The following TRHDE variants were observed in gnomAD, a reference collection of about 807,000 sequenced individuals.
The protein encoded by TRHDE is thyrotropin releasing hormone degrading enzyme, also known as thyrotropin-releasing hormone-degrading ectoenzyme.
TRHDE carries 72 observed loss-of-function variants against 125.7 expected under a neutral mutation model. The observed-to-expected ratio is 0.57, with a 90% CI of 0.47 to 0.70. The LOEUF (loss-of-function observed/expected upper bound fraction) is 0.70, where lower values mean the gene tolerates loss of function less well. TRHDE is among the 30% of genes least tolerant of loss of function. The pLI, the probability that TRHDE is intolerant of heterozygous loss-of-function variation, is 0.00. For synonymous variants in TRHDE, 509 were observed against 509.1 expected (o/e 1.00, Z 0.00); for missense variants, 1,110 against 1,327.1 (o/e 0.84, Z 2.54).
At chr12:72,398,882 A>C (rs754634352) in intron 3 of TRHDE, among the ~76,000 whole-genome samples, 1 of 152,138 alleles carries the variant, frequency 6.6e-6, no homozygotes, top group Non-Finnish European at 1.5e-5. Context: ...AGCTTGACAT[A>C]TTTACAAATT....
chr12:72,144,130 A>C (rs1020963752), intron 2 of TRHDE, among the ~76,000 whole-genome samples: 4 of 152,196 alleles, frequency 2.6e-5, no homozygotes, highest in Non-Finnish European at 5.9e-5. Context: ...TTCTGGAATG[A>C]TAGCTCAATC....
At chr12:72,328,674 G>A (rs1190083475) in intron 2 of TRHDE, among the ~76,000 whole-genome samples, 1 of 152,062 alleles carries the variant, frequency 6.6e-6, no homozygotes, top group Non-Finnish European at 1.5e-5. Flanking sequence ...AGCTGGGCCA[G>A]AAAAAAATTT....
rs1007225824 is a variant in TRHDE, at chr12:72,272,966, T to C, written c.323T>C (p.Leu108Pro). The change falls in exon 1 of 19, where the codon CTG (leucine) becomes CCG (proline). Residue 108 changes from leucine to proline, a missense_variant. Coordinates refer to ENST00000261180, the MANE Select transcript of TRHDE (RefSeq NM_013381.3). The surrounding 1 kb of genome is among the most constrained non-coding windows in gnomAD (Gnocchi z 6.7). Reference sequence around the variant, plus strand: ...ACAATGCTCGCTGTGCTGCTCAGCCTGCGCTTCGACGAGTGCGGGGCGAGT... The same window carrying C: ...ACAATGCTCGCTGTGCTGCTCAGCCCGCGCTTCGACGAGTGCGGGGCGAGT... ...AVTMLAVLLS[L>P]RFDECGASAT... 6.4e-7 allele frequency: 1 copy of C among 1,566,900 alleles called. No individual in the cohort carries two copies. The highest frequency in any genetic ancestry group is 8.6e-7 in the Non-Finnish European group (1 of 1,163,376).
At chr12:72,280,632 G>A (rs560199635) in intron 1 of TRHDE, among the ~76,000 whole-genome samples, 2 of 152,296 alleles carry the variant, frequency 1.3e-5, no homozygotes, top group Non-Finnish European at 2.9e-5. Context: ...ACTGGGAGAT[G>A]GAGAGGGTTG....
At chr12:72,231,951 A>T (rs1378305658) in intron 2 of TRHDE, among the ~76,000 whole-genome samples, 2 of 152,182 alleles carry the variant, frequency 1.3e-5, no homozygotes, top group African/African-American at 2.4e-5. Flanking sequence ...TGGAAAGAAA[A>T]CTACCCCTAT....
intron 6 of TRHDE, among the ~76,000 whole-genome samples, chr12:72,529,923 C>T (rs777403958): frequency 7.2e-4 from 110 of 152,232 alleles, no homozygotes; most frequent in Admixed American, 2.2e-3. Flanking sequence ...GTGCATCTCA[C>T]CTATCAATTC....
intron 4 of TRHDE, among the ~76,000 whole-genome samples, chr12:72,471,125 C>A (rs939822198): frequency 6.6e-6 from 1 of 151,774 alleles, no homozygotes; most frequent in Admixed American, 6.6e-5. Context: ...TGATCCACCC[C>A]CCTCGACCTC....
At chr12:72,142,554 C>T (rs1370272423) in intron 2 of TRHDE, among the ~76,000 whole-genome samples, 2 of 152,078 alleles carry the variant, frequency 1.3e-5, no homozygotes, top group African/African-American at 4.8e-5. Flanking sequence ...AGGGTGGCCC[C>T]CTGCAAAGGT....
intron 5 of TRHDE, among the ~76,000 whole-genome samples, chr12:72,484,235 G>C (rs56304015): frequency 3.9e-5 from 6 of 152,074 alleles, no homozygotes; most frequent in Non-Finnish European, 8.8e-5. Flanking sequence ...GAATGGATAA[G>C]TATGAAAAAA....
At chr12:72,361,406 T>A (rs1871073387) in intron 2 of TRHDE, among the ~76,000 whole-genome samples, 1 of 151,788 alleles carries the variant, frequency 6.6e-6, no homozygotes, top group Admixed American at 6.6e-5. Flanking sequence ...ATTTGATACA[T>A]TTGTTGGAAA....
chr12:72,297,535 GGGAGA>G (rs1880347893), intron 2 of TRHDE, among the ~76,000 whole-genome samples: 1 of 152,196 alleles, frequency 6.6e-6, no homozygotes, highest in East Asian at 1.9e-4. Context: ...TGAACAGGTT[GGGAGA>G]ATCTCTGAAA....
intron 3 of TRHDE, among the ~76,000 whole-genome samples, chr12:72,401,903 G>A (rs1384617224): frequency 1.3e-5 from 2 of 152,136 alleles, no homozygotes; most frequent in Non-Finnish European, 2.9e-5. Context: ...ACTTTAAAAT[G>A]TTTTTGGTAG....
At chr12:72,238,636 A>T (rs1163550161) in intron 2 of TRHDE, among the ~76,000 whole-genome samples, 1 of 151,596 alleles carries the variant, frequency 6.6e-6, no homozygotes, top group Non-Finnish European at 1.5e-5. Context: ...GAGTGAGAAC[A>T]TGCGGTGTTT....
chr12:72,150,633 A>G (rs1163608822), intron 2 of TRHDE, among the ~76,000 whole-genome samples: 2 of 144,694 alleles, frequency 1.4e-5, no homozygotes, highest in African/African-American at 2.6e-5. Context: ...CCACCTATGA[A>G]TGAGAACATG....
intron 12 of TRHDE, among the ~76,000 whole-genome samples, chr12:72,613,223 A>G (rs1215500168): frequency 6.6e-6 from 1 of 152,222 alleles, no homozygotes; most frequent in East Asian, 1.9e-4. Flanking sequence ...AGCTGTTTGT[A>G]TAATGCCTCT....
intron 3 of TRHDE, among the ~76,000 whole-genome samples, chr12:72,389,588 T>A (rs1439815683): frequency 6.6e-6 from 1 of 152,188 alleles, no homozygotes; most frequent in Non-Finnish European, 1.5e-5. Flanking sequence ...GCAGCCTCCT[T>A]GCAGTGTTCT....
chr12:72,586,698 C>T (rs1871454080), intron 12 of TRHDE, among the ~76,000 whole-genome samples: 1 of 151,576 alleles, frequency 6.6e-6, no homozygotes, highest in Non-Finnish European at 1.5e-5. Flanking sequence ...GCAGAGGTTT[C>T]CTGTTGCTCA....
chr12:72,574,505 G>A (rs1870897051), intron 10 of TRHDE, among the ~76,000 whole-genome samples: 1 of 152,038 alleles, frequency 6.6e-6, no homozygotes, highest in South Asian at 2.1e-4. Context: ...AGTCAATAAA[G>A]GCTACATGTG....
chr12:72,300,369 C>CACACACACAT (rs1194660395), intron 2 of TRHDE, among the ~76,000 whole-genome samples: 8 of 72,322 alleles, frequency 1.1e-4, no homozygotes, highest in East Asian at 1.3e-3. Context: ...TGTGTATACA[C>CACACACACAT]ACACACACAC....
Sources: gnomAD v4.1 joint callset for allele counts (sites outside exome capture counted in the v4.1 genomes callset) on GRCh38, gnomAD v4.1.1 for gene constraint, Gnocchi (gnomAD v3.1) non-coding constraint, MANE v1.5 for transcripts, NCBI Gene and HGNC (gene_info 2026-07-23, HGNC 2026-07-21) for gene names.